The following EYS variants were observed in gnomAD, a reference collection of about 807,000 sequenced individuals.
The protein encoded by EYS is protein eyes shut homolog.
A neutral mutation model predicts 282.1 loss-of-function variants in EYS; 250 were observed. The observed-to-expected ratio is 0.89, with a 90% CI of 0.80 to 0.98. The LOEUF (loss-of-function observed/expected upper bound fraction) is 0.98, where lower values mean the gene tolerates loss of function less well. Among genes scored for constraint, EYS ranks in the 50% least tolerant of loss-of-function variants. The pLI is 0.00. For synonymous variants in EYS, 1,355 were observed against 1,282.9 expected, an observed-to-expected ratio of 1.06 and a Z score of -1.20; for missense variants, 4,016 against 3,709.0, an observed-to-expected ratio of 1.08 and a Z score of -2.15.
intron 26 of EYS, among the ~76,000 whole-genome samples, chr6:64,482,970 A>T (rs1480704939): frequency 6.6e-6 from 1 of 151,658 alleles, no homozygotes; most frequent in Non-Finnish European, 1.5e-5. Context: ...AGTGAGTGGG[A>T]TCACTGAACT....
intron 12 of EYS, among the ~76,000 whole-genome samples, chr6:65,123,512 A>G (rs550866793): frequency 6.6e-6 from 1 of 152,274 alleles, no homozygotes; most frequent in South Asian, 2.1e-4. Flanking sequence ...GGTCCTTTGA[A>G]CAGAGCTTGA....
intron 19 of EYS, among the ~76,000 whole-genome samples, chr6:64,836,828 G>A (rs567182807): frequency 6.6e-6 from 1 of 151,666 alleles, no homozygotes; most frequent in African/African-American, 2.4e-5. Flanking sequence ...ACACATTTCT[G>A]TGAAATTCCA....
chr6:63,921,980 A>G (rs2149744233), intron 35 of EYS, among the ~76,000 whole-genome samples: 1 of 152,348 alleles, frequency 6.6e-6, no homozygotes, highest in East Asian at 1.9e-4. Context: ...GTGGGGGCCT[A>G]ACCTAATAAG....
intron 18 of EYS, among the ~76,000 whole-genome samples, chr6:64,897,708 T>A (rs1767519977): frequency 6.6e-6 from 1 of 152,084 alleles, no homozygotes; most frequent in Non-Finnish European, 1.5e-5. Flanking sequence ...AGAACCTTGA[T>A]AAAATGTTAG....
At chr6:64,511,251 GAT>G (rs981753687) in intron 26 of EYS, among the ~76,000 whole-genome samples, 3 of 146,960 alleles carry the variant, frequency 2.0e-5, no homozygotes, top group Middle Eastern at 3.6e-3. Flanking sequence ...ATATATATAT[GAT>G]ATATATATCA....
chr6:65,175,943 A>T (rs1163602766), intron 12 of EYS, among the ~76,000 whole-genome samples: 1 of 151,540 alleles, frequency 6.6e-6, no homozygotes, highest in Non-Finnish European at 1.5e-5. Context: ...TTACTGCATT[A>T]TCATTAACAA....
intron 30 of EYS, among the ~76,000 whole-genome samples, chr6:64,268,801 C>G (rs1269693090): frequency 6.6e-6 from 1 of 152,042 alleles, no homozygotes; most frequent in Non-Finnish European, 1.5e-5. Flanking sequence ...ATAGGAGAAG[C>G]TTAGACAATC....
At position 65,224,916 on chromosome 6, in the gene EYS, G is replaced by A. The variant is rs190604871; in HGVS notation, c.2023+70947C>T. 4.6e-4 allele frequency among the ~76,000 whole-genome samples: 70 copies of A among 152,120 alleles called. 1 individual carries two copies. In the East Asian group the frequency reaches 8.7e-3, roughly 19 times the overall value. The stretch of plus-strand genomic sequence containing the variant: ...TACCATAGGTAAAGTGATTGAATTC[G>A]TAGTCAAAACCTCCCCAAAAAGAAA... On this transcript the variant is annotated intron_variant, in intron 12 of 42. Coordinates refer to ENST00000503581, the MANE Select transcript of EYS (RefSeq NM_001142800.2).
At chr6:65,110,003 CA>C (rs2150188423) in intron 12 of EYS, among the ~76,000 whole-genome samples, 1 of 152,262 alleles carries the variant, frequency 6.6e-6, no homozygotes, top group South Asian at 2.1e-4. Context: ...CTGAAGTGCT[CA>C]AGCAACTTGG....
intron 22 of EYS, among the ~76,000 whole-genome samples, chr6:64,702,687 A>G (rs1390173309): frequency 6.6e-6 from 1 of 152,148 alleles, no homozygotes; most frequent in Non-Finnish European, 1.5e-5. Context: ...AAAAGAATAC[A>G]AGATCAGAAA....
intron 31 of EYS, among the ~76,000 whole-genome samples, chr6:64,111,895 A>G (rs1773217735): frequency 6.6e-6 from 1 of 152,042 alleles, no homozygotes; most frequent in South Asian, 2.1e-4. Flanking sequence ...TCTCATAGCC[A>G]CATACTGCCA....
chr6:63,838,475 A>C (rs1771866720), intron 36 of EYS, among the ~76,000 whole-genome samples: 1 of 152,122 alleles, frequency 6.6e-6, no homozygotes, highest in Non-Finnish European at 1.5e-5. Flanking sequence ...GACAGTCGGC[A>C]TCTTGAAGCT....
chr6:65,475,552 T>TTACTTTTCTATGAAAAAATTCTGAA (rs1765369194), intron 5 of EYS, among the ~76,000 whole-genome samples: 1 of 152,150 alleles, frequency 6.6e-6, no homozygotes, highest in Non-Finnish European at 1.5e-5. Flanking sequence ...AGCCAGATCA[T>TTACTTTTCTATGAAAAAATTCTGAA]TACTTTTCTA....
chr6:65,250,574 C>T (rs1003057356), intron 12 of EYS, among the ~76,000 whole-genome samples: 1 of 151,914 alleles, frequency 6.6e-6, no homozygotes, highest in Non-Finnish European at 1.5e-5. Context: ...TAAATTAAAG[C>T]TAAAAATTAA....
intron 22 of EYS, among the ~76,000 whole-genome samples, chr6:64,769,451 C>T (rs1420476258): frequency 6.6e-6 from 1 of 151,694 alleles, no homozygotes; most frequent in Non-Finnish European, 1.5e-5. Flanking sequence ...AATTTTAAAT[C>T]ATAAGTTTAA....
intron 35 of EYS, among the ~76,000 whole-genome samples, chr6:63,869,518 C>G (rs553427974): frequency 6.6e-6 from 1 of 152,202 alleles, no homozygotes; most frequent in South Asian, 2.1e-4. Flanking sequence ...GCCTTGTGAC[C>G]CTCTAGTTCT....
chr6:65,514,394 C>T (rs1767034522), intron 2 of EYS, among the ~76,000 whole-genome samples: 1 of 152,132 alleles, frequency 6.6e-6, no homozygotes, highest in South Asian at 2.1e-4. Flanking sequence ...AATGCCATCC[C>T]CATCAATCTA....
chr6:64,342,207 T>TA (rs1771146117), intron 29 of EYS, among the ~76,000 whole-genome samples: 2 of 151,566 alleles, frequency 1.3e-5, no homozygotes, highest in African/African-American at 2.4e-5. Context: ...CAAAAACGCA[T>TA]AAAATGTCTA....
At chr6:65,027,278 A>T (rs1483254283) in intron 13 of EYS, among the ~76,000 whole-genome samples, 1 of 152,136 alleles carries the variant, frequency 6.6e-6, no homozygotes, top group Non-Finnish European at 1.5e-5. Flanking sequence ...TGATGTCTTA[A>T]CTTTTCTAAT....
Sources: gnomAD v4.1 joint callset for allele counts (sites outside exome capture counted in the v4.1 genomes callset) on GRCh38, gnomAD v4.1.1 for gene constraint, MANE v1.5 for transcripts, NCBI Gene and HGNC (gene_info 2026-07-23, HGNC 2026-07-21) for gene names.